Variants in AACS observed in about 807,000 individuals in gnomAD.
AACS encodes acetoacetate-CoA ligase.
AACS carries 69 observed loss-of-function variants against 83.1 expected under a neutral mutation model. The observed-to-expected ratio is 0.83, with a 90% CI of 0.68 to 1.01. AACS has a LOEUF of 1.01. Ranked by LOEUF, AACS falls within the 50% of genes least tolerant of loss-of-function variation. The pLI, the probability that AACS is intolerant of heterozygous loss-of-function variation, is 0.00. For synonymous variants in AACS, 333 were observed against 343.4 expected (o/e 0.97, Z 0.33); for missense variants, 866 against 882.2 (o/e 0.98, Z 0.23).
intron 10 of AACS, 30 bp downstream of exon 10, chr12:125,118,795 AG>A: frequency 6.2e-7 from 1 of 1,611,062 alleles, no homozygotes; most frequent in African/African-American, 1.3e-5. Context: ...GCTCAAAGCA[AG>A]GGACAGGCAG....
At chr12:125,124,846 A>G (rs762206346) in intron 11 of AACS, 56 bp from the exon 12 acceptor site, 7 of 1,613,846 alleles carry the variant, frequency 4.3e-6, no homozygotes, top group Non-Finnish European at 5.9e-6. Flanking sequence ...CCTGCTTGCG[A>G]GTGAGGCTTC....
intron 3 of AACS, among the ~76,000 whole-genome samples, chr12:125,084,329 G>A (rs1021406889): frequency 4.0e-5 from 6 of 148,168 alleles, no homozygotes; most frequent in African/African-American, 1.2e-4. Context: ...AAAAAAAAAA[G>A]GATCACTTTC....
At chr12:125,087,723 C>A (rs773444997) in intron 4 of AACS, among the ~76,000 whole-genome samples, 6 of 152,218 alleles carry the variant, frequency 3.9e-5, no homozygotes, top group African/African-American at 7.2e-5. Flanking sequence ...AGCTGGGCGG[C>A]CTTGTCATCT....
rs192060378 is a variant in AACS, at chr12:125,094,683, C to T, written c.570+3160C>T. ...CCCACCACTGCCCACCTCCTTCTGC[C>T]TGCTCTCTGCTGGCTGCCTGGGCAT... On this transcript the variant is annotated intron_variant, in intron 5 of 17. Transcript: ENST00000316519. This position sits in a 1 kb window ranked among gnomAD's most constrained non-coding sequence, Gnocchi z 4.1. 3.0e-4 allele frequency among the ~76,000 whole-genome samples: 45 copies of T among 152,314 alleles called. No homozygotes were observed. The highest frequency in any genetic ancestry group is 1.1e-3 in the African/African-American group (44 of 41,566).
intron 4 of AACS, among the ~76,000 whole-genome samples, chr12:125,087,454 G>C (rs1176136699): frequency 6.6e-6 from 1 of 152,256 alleles, no homozygotes; most frequent in East Asian, 1.9e-4. Flanking sequence ...TAATTGAGAT[G>C]CAGGTAGGTG....
In AACS at chr12:125,097,460, G is replaced by C. The variant is rs1332096723; in HGVS notation, c.571-5219G>C. Among the ~76,000 whole-genome samples, 2 of 151,826 alleles carry C rather than the reference G, an allele frequency of 1.3e-5. No homozygotes were observed. The highest frequency in any genetic ancestry group is 2.9e-5 in the Non-Finnish European group (2 of 67,970). On this transcript the variant is annotated intron_variant, in intron 5 of 17. Coordinates refer to ENST00000316519, the MANE Select transcript of AACS (RefSeq NM_023928.5). The surrounding 1 kb of genome is among the most constrained non-coding windows in gnomAD (Gnocchi z 4.3). Reference sequence around the variant, plus strand: ...AAAAAAAAAAAAAAAAGTGCGTTGGGGCAGCTCCAAGGGCGTCTCTGTAAT... The same window carrying C: ...AAAAAAAAAAAAAAAAGTGCGTTGGCGCAGCTCCAAGGGCGTCTCTGTAAT...
At position 125,097,083 on chromosome 12, in the gene AACS, A is replaced by G. The variant is rs1956623963; in HGVS notation, c.570+5560A>G. ...CAGGGTGTATGTTAGCATCAGACGC[A>G]AGGAGGGCTAGCCCTGGTGGCCTGC... is the stretch of plus-strand genomic sequence containing the variant. On this transcript the variant is annotated intron_variant, in intron 5 of 17. Transcript: ENST00000316519. This position sits in a 1 kb window ranked among gnomAD's most constrained non-coding sequence, Gnocchi z 4.3. Among the ~76,000 whole-genome samples, 1 of 152,118 alleles carries G rather than the reference A, an allele frequency of 6.6e-6. No homozygotes were observed.
chr12:125,090,571 A>G (rs1956458980), intron 4 of AACS, among the ~76,000 whole-genome samples: 1 of 149,810 alleles, frequency 6.7e-6, no homozygotes, highest in Non-Finnish European at 1.5e-5. Context: ...TCTTCCATTC[A>G]TCATCCCTCA....
At chr12:125,069,000 C>T (rs921691107) in intron 1 of AACS, among the ~76,000 whole-genome samples, 5 of 152,216 alleles carry the variant, frequency 3.3e-5, no homozygotes, top group Non-Finnish European at 7.4e-5. Context: ...ACACCAAGCC[C>T]GGCTAATTTT....
intron 3 of AACS, among the ~76,000 whole-genome samples, chr12:125,076,959 A>G (rs907124720): frequency 4.6e-5 from 7 of 152,022 alleles, no homozygotes; most frequent in Middle Eastern, 3.2e-3. Flanking sequence ...GCTGGAGTGC[A>G]CTGGCATGAT....
At chr12:125,072,485 C>T (rs4765022) in intron 1 of AACS, among the ~76,000 whole-genome samples, 150,031 of 152,284 alleles carry the variant, frequency 0.99, 73,948 homozygotes, top group South Asian at 1. Context: ...TATACCTTTT[C>T]CCCCATTCCT....
chr12:125,142,277 CTT>C lies in AACS; in HGVS notation c.*51_*52del. ...TCAGCCGCACCCGTGTGCACTGTAA[CTT>C]TTGTGTGCTCAAGAAATTATACAGA... On this transcript the variant is annotated 3_prime_UTR_variant, in exon 18 of 18. Coordinates refer to ENST00000316519, the MANE Select transcript of AACS (RefSeq NM_023928.5). 6.3e-7 allele frequency: 1 copy of C among 1,593,334 alleles called. No individual in the cohort carries two copies. The highest frequency in any genetic ancestry group is 1.8e-5 in the Admixed American group (1 of 57,032).
At chr12:125,120,172 C>T (rs1434812366) in intron 10 of AACS, 1 of 152,210 alleles carries the variant, frequency 6.6e-6, no homozygotes, top group Non-Finnish European at 1.5e-5. Context: ...TTCTCATCAT[C>T]ATCATTAGAA....
chr12:125,141,352 G>C (rs1252673417), intron 17 of AACS: 1 of 152,602 alleles, frequency 6.6e-6, no homozygotes, highest in African/African-American at 2.4e-5. Flanking sequence ...CACGTGTCGT[G>C]GGTCCCAACG....
At position 125,129,560 on chromosome 12, in the gene AACS, C is replaced by A; in HGVS notation, c.1549+100C>A. On this transcript the variant is annotated intron_variant, in intron 14 of 17. Coordinates refer to ENST00000316519, the MANE Select transcript of AACS (RefSeq NM_023928.5). The surrounding 1 kb of genome is among the most constrained non-coding windows in gnomAD (Gnocchi z 4.3). ...TCGTGCCCCTCCCCTCTTCCTTCCC[C>A]CACCAGGGCTTGGAGAAGCTGCTTA... The A allele has an allele frequency of 6.9e-7, 1 of 1,450,906 alleles. No individual in the cohort carries two copies. The allele number at this position is 1,450,906 out of a possible 1,614,324, so 89.9% of individuals were successfully genotyped here. A position where few individuals can be genotyped will look rare whatever the true frequency, so the allele number is the denominator to read the frequency against.
rs1290139580 is a variant in AACS at position 125,130,876 on chromosome 12, T to C, written c.1549+1416T>C. Reference sequence around the variant, plus strand: ...ACTTCCTGAGTGTAGGTGAGAGATATGAATAAATATGGAAAGACAAAGGCA... The same window carrying C: ...ACTTCCTGAGTGTAGGTGAGAGATACGAATAAATATGGAAAGACAAAGGCA... On this transcript the variant is annotated intron_variant, in intron 14 of 17. Coordinates refer to ENST00000316519, the MANE Select transcript of AACS (RefSeq NM_023928.5). The surrounding 1 kb of genome is among the most constrained non-coding windows in gnomAD (Gnocchi z 4.9). 6.6e-6 allele frequency among the ~76,000 whole-genome samples: 1 copy of C among 152,106 alleles called. No individual in the cohort carries two copies.
chr12:125,124,825 C>T, intron 11 of AACS, 56 bp downstream of exon 11: 1 of 1,613,884 alleles, frequency 6.2e-7, no homozygotes, highest in Non-Finnish European at 8.5e-7. Context: ...GAAATTAAAT[C>T]CATCCTATTT....
intron 7 of AACS, chr12:125,105,361 C>G (rs997380562): frequency 6.6e-6 from 1 of 152,240 alleles, no homozygotes; most frequent in South Asian, 2.1e-4. Flanking sequence ...GCAGATTCTT[C>G]ACAGGCAGGC....
chr12:125,074,308 C>T (rs1374274891), intron 2 of AACS, among the ~76,000 whole-genome samples: 1 of 152,056 alleles, frequency 6.6e-6, no homozygotes, highest in East Asian at 1.9e-4. Flanking sequence ...TCCCAGCACT[C>T]TGACAGACCA....
Sources: gnomAD v4.1 joint callset for allele counts (sites outside exome capture counted in the v4.1 genomes callset) on GRCh38, gnomAD v4.1.1 for gene constraint, Gnocchi (gnomAD v3.1) non-coding constraint, MANE v1.5 for transcripts, NCBI Gene and HGNC (gene_info 2026-07-23, HGNC 2026-07-21) for gene names.